The following BRWD1 variants were observed in gnomAD, a reference collection of about 807,000 sequenced individuals.
BRWD1 encodes bromodomain and WD repeat domain containing 1, also known as bromodomain and WD repeat-containing protein 1.
A neutral mutation model predicts 251.2 loss-of-function variants in BRWD1; 82 were observed. That is an observed-to-expected ratio of 0.33 (90% CI 0.27 to 0.39). The LOEUF is 0.39. Among genes scored for constraint, BRWD1 ranks in the 10% least tolerant of loss-of-function variants. The pLI is 1.00. For synonymous variants in BRWD1, 918 were observed against 902.8 expected (o/e 1.02, Z -0.30); for missense variants, 2,233 against 2,711.6 (o/e 0.82, Z 3.92).
chr21:39,312,092 C>T (rs533674463), intron 4 of BRWD1, among the ~76,000 whole-genome samples: 60 of 152,308 alleles, frequency 3.9e-4, no homozygotes, highest in African/African-American at 1.4e-3. Context: ...AAACGAATCC[C>T]TGCAACTGCT....
chr21:39,196,397 G>C lies in BRWD1; in HGVS notation c.6672C>G (p.Asp2224Glu). ...GAAGAACTCTTTTAGATTTTGCATA[G>C]TCCAAATCCTCCCAGTCATTATCAT... ...SVDDNDWEDL[D>E]YAKSKRVLRR... Residue 2224 changes from aspartate (D) to glutamate (E), a missense_variant, in exon 41 of 41, where the codon GAC (aspartate) becomes GAG (glutamate). This residue lies in a region of BRWD1 where 928 missense variants were observed against 970.0 expected (regional missense o/e 0.96). Coordinates refer to ENST00000342449, the MANE Select transcript of BRWD1 (RefSeq NM_033656.4). 1 of 1,613,740 alleles carries C rather than the reference G, an allele frequency of 6.2e-7. No individual in the cohort carries two copies. The highest frequency in any genetic ancestry group is 1.1e-5 in the South Asian group (1 of 91,062).
At chr21:39,231,135 GCATTTTCTT>G (rs1277530872) in intron 25 of BRWD1, among the ~76,000 whole-genome samples, 1 of 152,042 alleles carries the variant, frequency 6.6e-6, no homozygotes, top group Non-Finnish European at 1.5e-5. Flanking sequence ...AAAATAACTA[GCATTTTCTT>G]CATTTTCTAA....
In BRWD1 at chr21:39,256,718, C is replaced by T. The variant is rs1405676724; in HGVS notation, c.2072-890G>A. Among the ~76,000 whole-genome samples, 3 of 152,180 alleles carry T rather than the reference C, an allele frequency of 2.0e-5. No individual in the cohort carries two copies. The South Asian group carries it at 6.2e-4, about 32-fold the overall frequency. On this transcript the variant is annotated intron_variant, in intron 18 of 40. Coordinates refer to ENST00000342449, the MANE Select transcript of BRWD1 (RefSeq NM_033656.4). ...AGACAAAGTGCTCATTTTCTTACAACAGAAGGTGAAGGGGCTCCTGCTACT... is the reference window on the plus strand; with the variant it reads ...AGACAAAGTGCTCATTTTCTTACAATAGAAGGTGAAGGGGCTCCTGCTACT...
At chr21:39,295,439 G>A (rs923473530) in intron 7 of BRWD1, among the ~76,000 whole-genome samples, 8 of 152,104 alleles carry the variant, frequency 5.3e-5, no homozygotes, top group Non-Finnish European at 1.0e-4. Context: ...CGCCTGTCTC[G>A]GCCGCCCAAA....
At chr21:39,316,279 C>T (rs1023398205), upstream of BRWD1, among the ~76,000 whole-genome samples, 1 of 152,116 alleles carries the variant, frequency 6.6e-6, no homozygotes, top group Admixed American at 6.6e-5. Context: ...CCACAAAAAT[C>T]TCGTTTGGGG....
chr21:39,223,878 C>G (rs975688293), intron 29 of BRWD1, among the ~76,000 whole-genome samples: 3 of 152,164 alleles, frequency 2.0e-5, no homozygotes, highest in Non-Finnish European at 4.4e-5. Context: ...GAGATGGAGT[C>G]TCGCTGTCGC....
intron 36 of BRWD1, among the ~76,000 whole-genome samples, chr21:39,207,356 G>C (rs943235897): frequency 5.9e-5 from 9 of 151,486 alleles, no homozygotes; most frequent in Non-Finnish European, 1.5e-5. Flanking sequence ...AATTGCTCAG[G>C]AGTTGGAGGT....
At chr21:39,303,519 C>CA (rs34013314) in intron 4 of BRWD1, among the ~76,000 whole-genome samples, 30,290 of 91,766 alleles carry the variant, frequency 0.33, 4,464 homozygotes, top group Non-Finnish European at 0.37. Context: ...ACTCCATCTC[C>CA]AAAAAAAAAA....
At chr21:39,316,781 A>G (rs1308627387), upstream of BRWD1, among the ~76,000 whole-genome samples, 1 of 152,162 alleles carries the variant, frequency 6.6e-6, no homozygotes, top group Non-Finnish European at 1.5e-5. Flanking sequence ...TCTACAAGAA[A>G]TAAAAAATAG....
rs759688343 is a variant in BRWD1 at position 39,197,001 on chromosome 21, A to G, written c.6068T>C (p.Met2023Thr). 1.5e-5 allele frequency: 24 copies of G among 1,613,958 alleles called. No homozygotes were observed. The highest frequency in any genetic ancestry group is 2.7e-5 in the African/African-American group (2 of 74,912). Residue 2023 changes from methionine (M) to threonine (T), a missense_variant, in exon 41 of 41, where the codon ATG becomes ACG. Coordinates refer to ENST00000342449, the MANE Select transcript of BRWD1 (RefSeq NM_033656.4). ...CCTGTGCTTGTGTTCTGAATTCAAC[A>G]TATCTTCAGAGTCTGAGTCTCCATT... ...ALNGDSDSED[M>T]LNSEHKHRHT...
In BRWD1 at chr21:39,258,561, T is replaced by C. The variant is rs544674403; in HGVS notation, c.1997A>G (p.Gln666Arg). The change falls in exon 18 of 41, where the codon CAA becomes CGA. Residue 666 changes from glutamine (Q) to arginine (R), a missense_variant. Transcript: ENST00000342449. ...DGMIRQLQQQ[Q>R]DQRMGADQDT... is the part of the protein sequence containing the mutation. ...CTGATCTGCTCCCATTCTCTGATCT[T>C]GCTGCTGCTGCAACTGTCTTATCAT... 125 of 1,613,574 alleles carry C rather than the reference T, an allele frequency of 7.7e-5. 1 individual carries two copies. In the South Asian group the frequency reaches 1.2e-3, roughly 16 times the overall value.
intron 17 of BRWD1, among the ~76,000 whole-genome samples, chr21:39,262,671 T>C (rs986062254): frequency 2.0e-5 from 3 of 151,946 alleles, no homozygotes; most frequent in Middle Eastern, 3.2e-3. Flanking sequence ...GCCAAGATCA[T>C]GCCACTGCAC....
At chr21:39,292,395 T>C (rs2836976) in intron 8 of BRWD1, among the ~76,000 whole-genome samples, 16,995 of 152,200 alleles carry the variant, frequency 0.11, 967 homozygotes, top group East Asian at 0.15. Context: ...CTAACGGATG[T>C]AAGGCAATGA....
chr21:39,263,356 T>C (rs941144386), intron 17 of BRWD1, among the ~76,000 whole-genome samples: 3 of 152,068 alleles, frequency 2.0e-5, no homozygotes, highest in African/African-American at 7.3e-5. Context: ...AAAAAGAACT[T>C]TGCACTTGGC....
intron 8 of BRWD1, among the ~76,000 whole-genome samples, chr21:39,282,444 A>G (rs1568949161): frequency 6.6e-6 from 1 of 152,218 alleles, no homozygotes; most frequent in Non-Finnish European, 1.5e-5. Context: ...CTATCTCATT[A>G]AAAGTAATGA....
At chr21:39,239,720 G>C (rs994033845) in intron 21 of BRWD1, among the ~76,000 whole-genome samples, 5 of 152,126 alleles carry the variant, frequency 3.3e-5, no homozygotes, top group Admixed American at 3.3e-4. Context: ...ATTTTGTTTG[G>C]GATTGTGAAT....
rs907939276 is a variant in BRWD1, at chr21:39,189,026, T to C, written c.*7233A>G. Reference sequence around the variant, plus strand: ...GTGTTTACCACTTCAAAGACACTTCTCTTGGGAATTTTAAAATTATGAACT... The same window carrying C: ...GTGTTTACCACTTCAAAGACACTTCCCTTGGGAATTTTAAAATTATGAACT... On this transcript the variant is annotated 3_prime_UTR_variant, in exon 41 of 41. Coordinates refer to ENST00000342449, the MANE Select transcript of BRWD1 (RefSeq NM_033656.4). 2.0e-6 allele frequency: 2 copies of C among 985,248 alleles called. No homozygotes were observed. The highest frequency in any genetic ancestry group is 3.5e-5 in the African/African-American group (2 of 57,222). 61.0% of individuals were successfully genotyped at this position (985,248 alleles called of 1,614,324 possible).
At chr21:39,291,223 A>G (rs1261167845) in intron 8 of BRWD1, among the ~76,000 whole-genome samples, 1 of 152,260 alleles carries the variant, frequency 6.6e-6, no homozygotes, top group Non-Finnish European at 1.5e-5. Context: ...CTTTTATCAT[A>G]AAATTTCACA....
At chr21:39,295,102 T>C (rs970856912) in intron 7 of BRWD1, among the ~76,000 whole-genome samples, 3 of 151,096 alleles carry the variant, frequency 2.0e-5, no homozygotes, top group Admixed American at 6.6e-5. Flanking sequence ...AGTTAATACA[T>C]ATATTTAATT....
Sources: gnomAD v4.1 joint callset for allele counts (sites outside exome capture counted in the v4.1 genomes callset) on GRCh38, gnomAD v4.1.1 for gene constraint, gnomAD v4.1.1 regional missense constraint, MANE v1.5 for transcripts, NCBI Gene and HGNC (gene_info 2026-07-23, HGNC 2026-07-21) for gene names.